The following JAKMIP3 variants were observed in gnomAD, a reference collection of about 807,000 sequenced individuals.
The protein encoded by JAKMIP3 is Janus kinase and microtubule interacting protein 3.
Under a neutral mutation model 118.5 loss-of-function variants are expected in JAKMIP3, and 58 were observed. That is an observed-to-expected ratio of 0.49 (90% CI 0.40 to 0.61). The LOEUF (loss-of-function observed/expected upper bound fraction) is 0.61, where lower values mean the gene tolerates loss of function less well. Ranked by LOEUF, JAKMIP3 falls within the 20% of genes least tolerant of loss-of-function variation. JAKMIP3 has a pLI of 0.00. For missense variants in JAKMIP3, 950 were observed against 1,109.0 expected, an observed-to-expected ratio of 0.86 and a Z score of 2.04; for synonymous variants, 486 against 451.2, an observed-to-expected ratio of 1.08 and a Z score of -0.98.
At chr10:132,102,908 G>A (rs1373834753) in intron 1 of JAKMIP3, among the ~76,000 whole-genome samples, 1 of 151,564 alleles carries the variant, frequency 6.6e-6, no homozygotes, top group East Asian at 1.9e-4. Context: ...GGCCGGAGAG[G>A]AGATGCAGGA....
At chr10:132,167,777 A>G (rs957563948) in intron 22 of JAKMIP3, among the ~76,000 whole-genome samples, 176 bp from the exon 23 acceptor site, 3 of 150,920 alleles carry the variant, frequency 2.0e-5, no homozygotes, top group Non-Finnish European at 4.4e-5. Flanking sequence ...AGTCTCCCTG[A>G]CATCCTCTCC....
In JAKMIP3 at chr10:132,049,008, A is replaced by G. The variant is rs1163906136; in HGVS notation, c.-138+12270A>G. Among the ~76,000 whole-genome samples, 2 of 151,166 alleles carry G rather than the reference A, an allele frequency of 1.3e-5. No homozygotes were observed. Among genetic ancestry groups the G allele is most frequent in the African/African-American group, 4.9e-5 (2 of 41,048 alleles). ...GTGGAGCTTTTTTTTTTTCTTTTTA[A>G]TGTTGCCACATTGTTTCTTTACTTC... On this transcript the variant is annotated intron_variant, in intron 1 of 23. Coordinates refer to the JAKMIP3 transcript ENST00000657785. The surrounding 1 kb of genome is among the most constrained non-coding windows in gnomAD (Gnocchi z 4.3).
chr10:132,141,932 G>A lies in JAKMIP3; in HGVS notation c.1486G>A (p.Glu496Lys), dbSNP rs752441563. Residue 496 changes from glutamate to lysine, a missense_variant, in exon 11 of 24, where the codon GAG becomes AAG. Physicochemically the swap from Glu to Lys is moderately conservative, Grantham distance 56 (BLOSUM62 1). Coordinates refer to ENST00000684848, the MANE Select transcript of JAKMIP3 (RefSeq NM_001323087.2). ...CGTGTCTCTCCAGGGCATGGCCAAG[G>A]AGGAGACGGAGCTGAGGTTCCGGCA... ...DDDLEEGMAKEETELRFRQLT... is the reference protein window; with the variant it reads ...DDDLEEGMAKKETELRFRQLT... 3.1e-6 allele frequency: 5 copies of A among 1,593,708 alleles called. No individual in the cohort carries two copies. In the South Asian group the frequency reaches 4.6e-5, roughly 15 times the overall value.
intron 23 of JAKMIP3, among the ~76,000 whole-genome samples, chr10:132,178,002 CTG>C (rs2060350008): frequency 1.4e-5 from 2 of 147,814 alleles, no homozygotes; most frequent in African/African-American, 5.0e-5. Flanking sequence ...GTGTGTGTGT[CTG>C]TGCACACTGT....
upstream of JAKMIP3, among the ~76,000 whole-genome samples, chr10:132,060,524 A>G (rs547138428): frequency 1.3e-5 from 2 of 152,322 alleles, no homozygotes; most frequent in South Asian, 2.1e-4. Context: ...AAATCCTGCA[A>G]TGACCCTGGT....
intron 1 of JAKMIP3, among the ~76,000 whole-genome samples, chr10:132,098,001 C>T (rs114003289): frequency 0.042 from 1,016 of 24,118 alleles, 257 homozygotes; most frequent in East Asian, 0.097. Context: ...CCTTCCCCTT[C>T]CCCTCCTTCC....
chr10:132,097,028 C>A (rs112648099), intron 1 of JAKMIP3, among the ~76,000 whole-genome samples: 1 of 152,188 alleles, frequency 6.6e-6, no homozygotes, highest in Non-Finnish European at 1.5e-5. Context: ...ACAGGAGAGA[C>A]GCCACGGCGA....
chr10:132,147,933 T>C lies in JAKMIP3; in HGVS notation c.1750-19T>C, dbSNP rs1589948869. 8 of 1,556,378 alleles carry C rather than the reference T, an allele frequency of 5.1e-6. No individual in the cohort carries two copies. The East Asian group carries it at 1.4e-4, about 27-fold the overall frequency. On this transcript the variant is annotated intron_variant, in intron 13 of 23. Coordinates refer to ENST00000684848, the MANE Select transcript of JAKMIP3 (RefSeq NM_001323087.2). ...AGAGAGAACCAGACCCCTCACCTCA[T>C]GCATCTTTTATGTTGCAGATCAAAC...
chr10:132,057,971 CAG>C (rs1475408717), intron 1 of JAKMIP3, among the ~76,000 whole-genome samples: 17 of 152,340 alleles, frequency 1.1e-4, no homozygotes, highest in Non-Finnish European at 2.4e-4. Context: ...AGTCTGCAAT[CAG>C]GGCCGCATCC....
intron 3 of JAKMIP3, among the ~76,000 whole-genome samples, chr10:132,124,817 A>C (rs2135505694): frequency 6.6e-6 from 1 of 152,370 alleles, no homozygotes; most frequent in Non-Finnish European, 1.5e-5. Flanking sequence ...TCAAGACAGA[A>C]GAGCCATTCG....
upstream of JAKMIP3, among the ~76,000 whole-genome samples, chr10:132,065,451 A>C (rs2133873534): frequency 6.8e-6 from 1 of 147,422 alleles, no homozygotes; most frequent in Admixed American, 6.8e-5. The surrounding 1 kb of genome is among the most constrained non-coding windows in gnomAD (Gnocchi z 5.6). Context: ...CCTATTATTG[A>C]CCCGCTCACT....
chr10:132,064,636 G>A (rs118126248), upstream of JAKMIP3, among the ~76,000 whole-genome samples: 5,894 of 152,244 alleles, frequency 0.039, 186 homozygotes, highest in Non-Finnish European at 0.056. The surrounding 1 kb of genome is among the most constrained non-coding windows in gnomAD (Gnocchi z 4.4). Flanking sequence ...CAGGGACAGC[G>A]GGCGGCTCCG....
At chr10:132,040,118 G>T (rs1188845086) in intron 1 of JAKMIP3, among the ~76,000 whole-genome samples, 3 of 152,088 alleles carry the variant, frequency 2.0e-5, no homozygotes, top group African/African-American at 4.8e-5. Context: ...AATGGTATTG[G>T]GGGGGTGGGC....
intron 3 of JAKMIP3, among the ~76,000 whole-genome samples, chr10:132,129,309 T>C (rs2050158775): frequency 1.3e-5 from 2 of 152,178 alleles, no homozygotes; most frequent in Non-Finnish European, 2.9e-5. Context: ...TGAATTGCAG[T>C]GTCTCGACAG....
At chr10:132,177,693 G>A (rs1334337026) in intron 23 of JAKMIP3, among the ~76,000 whole-genome samples, 5 of 147,694 alleles carry the variant, frequency 3.4e-5, no homozygotes, top group African/African-American at 1.3e-4. Flanking sequence ...TTTGGCCGTG[G>A]TGTGTGTGCA....
At chr10:132,081,030 G>C (rs901063267) in intron 1 of JAKMIP3, among the ~76,000 whole-genome samples, 5 of 152,150 alleles carry the variant, frequency 3.3e-5, no homozygotes, top group African/African-American at 1.2e-4. Context: ...CATCCCCTAA[G>C]TGTCATGAAA....
rs145166535 is a variant in JAKMIP3 at position 132,102,751 on chromosome 10, G to A, written c.-137-1921G>A. Reference sequence around the variant, plus strand: ...CCCACCTGCCCGTCCTGCCACCTCCGCTGGTCTCTGAGCCCCACACCCACA... The same window carrying A: ...CCCACCTGCCCGTCCTGCCACCTCCACTGGTCTCTGAGCCCCACACCCACA... On this transcript the variant is annotated intron_variant, in intron 1 of 23. Coordinates refer to ENST00000684848, the MANE Select transcript of JAKMIP3 (RefSeq NM_001323087.2). Among the ~76,000 whole-genome samples the A allele has an allele frequency of 5.0e-3, 757 of 152,268 alleles. 7 individuals carry two copies. The highest frequency in any genetic ancestry group is 8.7e-3 in the Non-Finnish European group (593 of 68,012).
intron 3 of JAKMIP3, among the ~76,000 whole-genome samples, chr10:132,125,633 T>TAG (rs1374603883): frequency 2.0e-5 from 3 of 152,258 alleles, no homozygotes; most frequent in Non-Finnish European, 2.9e-5. Context: ...TATTTACTGT[T>TAG]AGATTTTTCT....
At chr10:132,177,631 A>G (rs1255289401) in intron 23 of JAKMIP3, among the ~76,000 whole-genome samples, 1 of 134,830 alleles carries the variant, frequency 7.4e-6, no homozygotes, top group South Asian at 2.4e-4. Context: ...TGGTGTGTAT[A>G]CACTTGCTCC....
Sources: gnomAD v4.1 joint callset for allele counts (sites outside exome capture counted in the v4.1 genomes callset) on GRCh38, gnomAD v4.1.1 for gene constraint, Gnocchi (gnomAD v3.1) non-coding constraint, MANE v1.5 for transcripts, NCBI Gene and HGNC (gene_info 2026-07-23, HGNC 2026-07-21) for gene names.